The following FILIP1 variants were observed in gnomAD, a reference collection of about 807,000 sequenced individuals.
FILIP1 encodes the protein filamin-A-interacting protein 1.
In FILIP1, 61 loss-of-function variants were observed where a neutral mutation model predicts 102.1. That is an observed-to-expected ratio of 0.60 (90% CI 0.49 to 0.74). FILIP1 has a LOEUF of 0.74. Ranked by LOEUF, FILIP1 falls within the 30% of genes least tolerant of loss-of-function variation. The probability of loss-of-function intolerance (pLI) is 0.00; values close to 1 mark genes in which losing one functional copy is unlikely to be tolerated. For synonymous variants in FILIP1, 491 were observed against 526.9 expected (o/e 0.93, Z 0.93); for missense variants, 1,314 against 1,441.2 (o/e 0.91, Z 1.43).
chr6:75,343,340 A>G (rs905508467), intron 4 of FILIP1, among the ~76,000 whole-genome samples: 10 of 152,120 alleles, frequency 6.6e-5, no homozygotes, highest in Admixed American at 2.0e-4. Flanking sequence ...GCAAACTAAG[A>G]TACTCTTGGA....
At chr6:75,292,460 T>C (rs1272631021) in exon 7 of FILIP1, 1 of 152,136 alleles carries the variant, frequency 6.6e-6, no homozygotes, top group African/African-American at 2.4e-5. Context: ...GCATTTTCTC[T>C]AGGTAACACA....
At chr6:75,455,096 A>C (rs946893716) in intron 1 of FILIP1, 3 of 151,900 alleles carry the variant, frequency 2.0e-5, no homozygotes, top group African/African-American at 4.8e-5. Context: ...GTGGCACCAC[A>C]AAAAGACTTT....
chr6:75,330,654 C>T (rs1331512247), intron 4 of FILIP1, among the ~76,000 whole-genome samples: 25 of 152,172 alleles, frequency 1.6e-4, no homozygotes, highest in Non-Finnish European at 5.9e-5. Flanking sequence ...AACTATTATA[C>T]ATCCTATAAA....
In FILIP1 at chr6:75,353,535, T is replaced by A. The variant is rs1414825243; in HGVS notation, c.629+4A>T. The A allele has an allele frequency of 1.2e-6, 2 of 1,614,092 alleles. No homozygotes were observed. The highest frequency in any genetic ancestry group is 1.7e-5 in the Admixed American group (1 of 60,034). ...ATGTGACTGGTGGTGTGTGTGCACATTACCTCTCCCGCTCCTGCTCCAGCA... is the reference window on the plus strand; with the variant it reads ...ATGTGACTGGTGGTGTGTGTGCACAATACCTCTCCCGCTCCTGCTCCAGCA... On this transcript the variant is annotated splice_donor_region_variant and intron_variant, in intron 4 of 5. Coordinates refer to ENST00000237172, the MANE Select transcript of FILIP1 (RefSeq NM_015687.5).
intron 1 of FILIP1, among the ~76,000 whole-genome samples, chr6:75,479,625 T>C (rs1779592311): frequency 6.6e-6 from 1 of 152,076 alleles, no homozygotes; most frequent in South Asian, 2.1e-4. Context: ...TCCCAGCACT[T>C]TGGGAGGCCA....
intron 1 of FILIP1, among the ~76,000 whole-genome samples, chr6:75,453,154 T>C (rs1457157900): frequency 2.0e-5 from 3 of 152,226 alleles, no homozygotes; most frequent in African/African-American, 7.2e-5. Flanking sequence ...GTAAGGCTGT[T>C]GTCTTTTTCT....
intron 2 of FILIP1, among the ~76,000 whole-genome samples, chr6:75,383,201 C>CTT (rs1008117708): frequency 6.6e-6 from 1 of 152,132 alleles, no homozygotes; most frequent in Non-Finnish European, 1.5e-5. Context: ...TGTCCCTGAT[C>CTT]TTCACTAGGT....
chr6:75,297,027 C>T (rs1161429363), intron 6 of FILIP1: 2 of 152,072 alleles, frequency 1.3e-5, no homozygotes, highest in Non-Finnish European at 2.9e-5. Context: ...TTCCTAACAT[C>T]ACTGAGATTA....
At chr6:75,490,777 G>A (rs1240505564) in intron 1 of FILIP1, among the ~76,000 whole-genome samples, 1 of 152,056 alleles carries the variant, frequency 6.6e-6, no homozygotes, top group East Asian at 1.9e-4. Context: ...GTAGTTAAAA[G>A]TGTTTATAAT....
At chr6:75,327,899 C>G (rs973763284) in intron 4 of FILIP1, among the ~76,000 whole-genome samples, 4 of 151,948 alleles carry the variant, frequency 2.6e-5, no homozygotes, top group African/African-American at 9.7e-5. Flanking sequence ...GAAAGATTCT[C>G]TTAACAAAAA....
chr6:75,479,358 T>C (rs1341368068), intron 1 of FILIP1, among the ~76,000 whole-genome samples: 1 of 152,202 alleles, frequency 6.6e-6, no homozygotes, highest in South Asian at 2.1e-4. Flanking sequence ...TTGCAGTTGG[T>C]TTTCCCACCA....
At chr6:75,448,283 C>T (rs1208057378) in intron 1 of FILIP1, among the ~76,000 whole-genome samples, 1 of 152,168 alleles carries the variant, frequency 6.6e-6, no homozygotes, top group Non-Finnish European at 1.5e-5. Flanking sequence ...CAATACATCA[C>T]TGGAACAGCC....
At chr6:75,447,018 C>T (rs1231867076) in intron 1 of FILIP1, among the ~76,000 whole-genome samples, 3 of 152,046 alleles carry the variant, frequency 2.0e-5, no homozygotes, top group Admixed American at 6.6e-5. Flanking sequence ...GTCACCAAAC[C>T]TTAGGGAGGA....
chr6:75,441,699 G>A lies in FILIP1; in HGVS notation c.-6-26721C>T, dbSNP rs577072042. On this transcript the variant is annotated intron_variant, in intron 1 of 5. Transcript: ENST00000237172. ...TCCCTCCCTGACGGGGCGGCTGGCCGGGCGGGGGACTGACCCCCCCACCTC... is the reference window on the plus strand; with the variant it reads ...TCCCTCCCTGACGGGGCGGCTGGCCAGGCGGGGGACTGACCCCCCCACCTC... Among the ~76,000 whole-genome samples the A allele has an allele frequency of 1.3e-4, 19 of 142,920 alleles. No homozygotes were observed. The South Asian group carries it at 4.2e-3, about 32-fold the overall frequency. The allele number at this position is 142,920 out of a possible 152,430, so 93.8% of individuals were successfully genotyped here.
chr6:75,441,173 T>C (rs1778204218), intron 1 of FILIP1, among the ~76,000 whole-genome samples: 1 of 150,802 alleles, frequency 6.6e-6, no homozygotes, highest in Non-Finnish European at 1.5e-5. Context: ...GATTAGGGAG[T>C]GGTGATGACT....
chr6:75,456,902 A>G (rs1412860167), intron 1 of FILIP1, among the ~76,000 whole-genome samples: 1 of 151,894 alleles, frequency 6.6e-6, no homozygotes, highest in Non-Finnish European at 1.5e-5. Flanking sequence ...ACTTTTTCTT[A>G]TTTGCATGTA....
chr6:75,386,912 T>A (rs1409377030), intron 2 of FILIP1, among the ~76,000 whole-genome samples: 1 of 152,150 alleles, frequency 6.6e-6, no homozygotes, highest in African/African-American at 2.4e-5. Context: ...GTTACATAGG[T>A]ATACATGTGC....
intron 4 of FILIP1, among the ~76,000 whole-genome samples, chr6:75,325,537 C>T (rs1462690007): frequency 6.6e-6 from 1 of 152,088 alleles, no homozygotes; most frequent in Non-Finnish European, 1.5e-5. Flanking sequence ...GAATTTAAAT[C>T]AGCAAGAAAA....
intron 2 of FILIP1, among the ~76,000 whole-genome samples, chr6:75,389,231 G>A (rs907532679): frequency 1.1e-4 from 17 of 152,154 alleles, no homozygotes; most frequent in African/African-American, 7.2e-5. Flanking sequence ...TGACTTGATC[G>A]TGGTGGATAA....
Sources: allele counts gnomAD v4.1 joint callset (sites outside exome capture counted in the v4.1 genomes callset), GRCh38; gene constraint gnomAD v4.1.1; transcripts MANE v1.5; gene names NCBI Gene and HGNC (gene_info 2026-07-23, HGNC 2026-07-21).